DOCK4: variants seen among roughly 807,000 people sequenced by gnomAD.
DOCK4 encodes dedicator of cytokinesis protein 4.
DOCK4 carries 97 observed loss-of-function variants against 268.1 expected under a neutral mutation model. The observed-to-expected ratio is 0.36, with a 90% CI of 0.31 to 0.43. The LOEUF is 0.43. DOCK4 is among the 20% of genes least tolerant of loss of function. The pLI is 1.00. For synonymous variants in DOCK4, 954 were observed against 887.2 expected, an observed-to-expected ratio of 1.08 and a Z score of -1.34; for missense variants, 2,145 against 2,455.7, an observed-to-expected ratio of 0.87 and a Z score of 2.67.
chr7:112,011,344 C>G (rs913533049), intron 1 of DOCK4, among the ~76,000 whole-genome samples: 1 of 152,196 alleles, frequency 6.6e-6, no homozygotes, highest in Non-Finnish European at 1.5e-5. Context: ...GGGGCTCAGC[C>G]TCTTACAAGC....
In DOCK4 at chr7:112,010,600, CAT is replaced by C. The variant is rs371564311; in HGVS notation, c.38-6471_38-6470del. ...CATCTTCTGATCCTCAGACCTGCCA[CAT>C]GTTTGGGATCTGCCTTCATCTGGTA... On this transcript the variant is annotated intron_variant, in intron 1 of 52. Transcript: ENST00000428084. 2.1e-3 allele frequency among the ~76,000 whole-genome samples: 325 copies of C among 152,306 alleles called. 2 individuals carry two copies. The highest frequency in any genetic ancestry group is 7.5e-3 in the African/African-American group (311 of 41,558).
chr7:111,922,538 T>C (rs138435434), intron 12 of DOCK4, among the ~76,000 whole-genome samples: 358 of 152,138 alleles, frequency 2.4e-3, no homozygotes, highest in Non-Finnish European at 3.4e-3. Context: ...TGACATTTAC[T>C]ATTCTCTTCG....
At chr7:112,048,267 A>G (rs73434615) in intron 1 of DOCK4, among the ~76,000 whole-genome samples, 16,535 of 151,752 alleles carry the variant, frequency 0.11, 2,778 homozygotes, top group African/African-American at 0.36. Flanking sequence ...TATAAAAGAG[A>G]AAGGCTGGAC....
intron 1 of DOCK4, among the ~76,000 whole-genome samples, chr7:112,070,696 T>C (rs1321372554): frequency 3.9e-5 from 6 of 152,152 alleles, no homozygotes; most frequent in African/African-American, 1.4e-4. Flanking sequence ...AAAAAAACTA[T>C]AAAATTAAAA....
Position 111,740,887 on chromosome 7 carries a change from TGTC to T in DOCK4, c.5040+204_5040+206del, listed in dbSNP as rs556822880. Among the ~76,000 whole-genome samples the T allele has an allele frequency of 6.4e-4, 97 of 152,124 alleles. 1 individual carries two copies. The highest frequency in any genetic ancestry group is 3.4e-3 in the Middle Eastern group (1 of 292). On this transcript the variant is annotated intron_variant, in intron 47 of 52. Transcript: ENST00000428084. ...CCTAGGCTTTTCCATCGCTTGCTGA[TGTC>T]GTCTTAAAGCGATGGGGCAGTTTTA...
At chr7:111,956,016 T>C (rs1032926840) in intron 8 of DOCK4, among the ~76,000 whole-genome samples, 7 of 152,166 alleles carry the variant, frequency 4.6e-5, no homozygotes, top group African/African-American at 1.7e-4. Context: ...TAACCAAAAG[T>C]AGGCACAGAG....
At chr7:112,150,351 C>A (rs1021457515) in intron 1 of DOCK4, among the ~76,000 whole-genome samples, 7 of 152,144 alleles carry the variant, frequency 4.6e-5, no homozygotes, top group Non-Finnish European at 1.0e-4. Flanking sequence ...TCAAGTTAAT[C>A]AATGAAACAT....
chr7:111,989,620 T>A (rs1002073549), intron 5 of DOCK4, among the ~76,000 whole-genome samples: 2 of 152,240 alleles, frequency 1.3e-5, no homozygotes, highest in Non-Finnish European at 2.9e-5. Context: ...TTGGTCTCAA[T>A]ACTTTATTGG....
rs1275751432 is a variant in DOCK4, at chr7:111,819,115, GAT to G, written c.2930+3245_2930+3246del. ...TTGAAACCCAAGTTGGTTAGTGCAT[GAT>G]ATGTTTGAGGCCAACATGCACACAA... On this transcript the variant is annotated intron_variant, in intron 27 of 52. Transcript: ENST00000428084. Among the ~76,000 whole-genome samples, 10 of 152,260 alleles carry G rather than the reference GAT, an allele frequency of 6.6e-5. 1 individual carries two copies. Among genetic ancestry groups the G allele is most frequent in the South Asian group, 4.1e-4 (2 of 4,820 alleles).
rs551789026 is a variant in DOCK4, at chr7:112,206,291, C to G, written c.-153G>C. ...CTGGGCAGGATCTGCGCTGGAGGCT[C>G]CCGAGCCCAGCGTTGACACTGCGCC... On this transcript the variant is annotated 5_prime_UTR_variant, in exon 1 of 53. Coordinates refer to ENST00000428084, the MANE Select transcript of DOCK4 (RefSeq NM_001363540.2). The G allele has an allele frequency of 5.7e-5, 46 of 806,372 alleles. No homozygotes were observed. The South Asian group carries it at 7.6e-4, about 13-fold the overall frequency. 50.0% of individuals were successfully genotyped at this position (806,372 alleles called of 1,614,324 possible). A position where few individuals can be genotyped will look rare whatever the true frequency, so the allele number is the denominator to read the frequency against.
chr7:112,000,974 G>C (rs980995372), intron 2 of DOCK4, among the ~76,000 whole-genome samples: 1 of 152,184 alleles, frequency 6.6e-6, no homozygotes, highest in Non-Finnish European at 1.5e-5. Flanking sequence ...CTACTTGCCT[G>C]ACTACAAACG....
chr7:112,024,655 G>A (rs954862693), intron 1 of DOCK4, among the ~76,000 whole-genome samples: 1 of 152,108 alleles, frequency 6.6e-6, no homozygotes, highest in Non-Finnish European at 1.5e-5. Context: ...GCCTTCTAAA[G>A]CTCTTCCTGC....
At chr7:112,010,708 G>A (rs930792035) in intron 1 of DOCK4, among the ~76,000 whole-genome samples, 1 of 152,232 alleles carries the variant, frequency 6.6e-6, no homozygotes, top group African/African-American at 2.4e-5. Context: ...AAGCAGGACT[G>A]CATTCTTATG....
chr7:111,761,344 G>A (rs561674442), intron 39 of DOCK4, among the ~76,000 whole-genome samples: 13 of 152,302 alleles, frequency 8.5e-5, no homozygotes, highest in Admixed American at 8.5e-4. Context: ...ACAGGTGTGA[G>A]CCACCACGCC....
At chr7:111,958,930 T>C (rs559911314) in intron 8 of DOCK4, among the ~76,000 whole-genome samples, 1 of 152,274 alleles carries the variant, frequency 6.6e-6, no homozygotes, top group Admixed American at 6.5e-5. Context: ...CATAACAACA[T>C]CTCTAAAGCA....
chr7:111,950,759 A>C (rs943417478), intron 8 of DOCK4, among the ~76,000 whole-genome samples: 14 of 152,218 alleles, frequency 9.2e-5, no homozygotes, highest in Non-Finnish European at 1.9e-4. Flanking sequence ...TTCTCATATT[A>C]ACTTCGTGGC....
chr7:111,769,442 T>A lies in DOCK4; in HGVS notation c.3828+87A>T, dbSNP rs557682902. Reference sequence around the variant, plus strand: ...ATGTGAGGATCCCTGCTTAAGGAGGTGGGCATTCATAAACTAGAAATGAAA... The same window carrying A: ...ATGTGAGGATCCCTGCTTAAGGAGGAGGGCATTCATAAACTAGAAATGAAA... On this transcript the variant is annotated intron_variant, in intron 37 of 52. Coordinates refer to ENST00000428084, the MANE Select transcript of DOCK4 (RefSeq NM_001363540.2). The A allele has an allele frequency of 1.4e-5, 21 of 1,504,274 alleles. No individual in the cohort carries two copies. In the South Asian group the frequency reaches 2.4e-4, roughly 17 times the overall value. The allele number at this position is 1,504,274 out of a possible 1,614,324, so 93.2% of individuals were successfully genotyped here. A position where few individuals can be genotyped will look rare whatever the true frequency, so the allele number is the denominator to read the frequency against.
chr7:111,791,775 T>A (rs1799567921), intron 30 of DOCK4, among the ~76,000 whole-genome samples: 1 of 152,054 alleles, frequency 6.6e-6, no homozygotes, highest in Admixed American at 6.6e-5. Flanking sequence ...AGATGGAGTC[T>A]CACAACATTG....
chr7:112,054,226 C>T (rs983264454), intron 1 of DOCK4, among the ~76,000 whole-genome samples: 3 of 152,062 alleles, frequency 2.0e-5, no homozygotes, highest in Non-Finnish European at 4.4e-5. Flanking sequence ...AAATGAGTAC[C>T]TCCACCTCAG....
Sources: gnomAD v4.1 joint callset for allele counts (sites outside exome capture counted in the v4.1 genomes callset) on GRCh38, gnomAD v4.1.1 for gene constraint, MANE v1.5 for transcripts, NCBI Gene and HGNC (gene_info 2026-07-23, HGNC 2026-07-21) for gene names.